CABLES1: variants seen among roughly 807,000 people sequenced by gnomAD.
CABLES1 encodes the protein CDK5 and ABL1 enzyme substrate 1.
CABLES1 carries 36 observed loss-of-function variants against 57.8 expected under a neutral mutation model. The observed-to-expected ratio is 0.62, with a 90% CI of 0.48 to 0.82. The LOEUF (loss-of-function observed/expected upper bound fraction) is 0.82. CABLES1 is among the 40% of genes least tolerant of loss of function. The pLI is 0.00. For synonymous variants in CABLES1, 374 were observed against 363.0 expected (o/e 1.03, Z -0.35); for missense variants, 767 against 836.6 (o/e 0.92, Z 1.03).
At chr18:23,242,898 A>G (rs2047771114) in intron 7 of CABLES1, among the ~76,000 whole-genome samples, 1 of 152,166 alleles carries the variant, frequency 6.6e-6, no homozygotes, top group Non-Finnish European at 1.5e-5. Context: ...TTTTCAGTAC[A>G]GCATGAGATG....
chr18:23,213,906 T>C, intron 3 of CABLES1, 71 bp from the exon 4 acceptor site: 3 of 1,008,108 alleles, frequency 3.0e-6, no homozygotes, highest in Non-Finnish European at 4.5e-6. Flanking sequence ...TTAATTGCTA[T>C]AGATTTTGTT....
chr18:23,212,340 C>G (rs1784794418), intron 3 of CABLES1, among the ~76,000 whole-genome samples: 1 of 152,176 alleles, frequency 6.6e-6, no homozygotes, highest in African/African-American at 2.4e-5. Context: ...AAGATAGTTA[C>G]TAATTTTATC....
At chr18:23,245,985 C>T (rs1035362138) in intron 7 of CABLES1, among the ~76,000 whole-genome samples, 15 of 152,114 alleles carry the variant, frequency 9.9e-5, no homozygotes, top group Admixed American at 4.6e-4. Context: ...ACAGTGGTCC[C>T]GGCCGGGCAC....
intron 1 of CABLES1, among the ~76,000 whole-genome samples, chr18:23,171,463 A>G (rs1598810233): frequency 6.6e-6 from 1 of 152,214 alleles, no homozygotes; most frequent in East Asian, 1.9e-4. Context: ...GAGCCTTGCC[A>G]TGGTCTGCAC....
At chr18:23,219,101 G>A (rs2047466769) in intron 4 of CABLES1, 1 of 443,506 alleles carries the variant, frequency 2.3e-6, no homozygotes, top group Non-Finnish European at 4.6e-6. Flanking sequence ...GAGGTTTAGG[G>A]GCTACCATTG....
At chr18:23,221,507 C>A (rs1010619386) in intron 4 of CABLES1, among the ~76,000 whole-genome samples, 2 of 152,120 alleles carry the variant, frequency 1.3e-5, no homozygotes, top group Non-Finnish European at 2.9e-5. Flanking sequence ...TTTTCAGGTA[C>A]CTTACAGGAT....
intron 7 of CABLES1, among the ~76,000 whole-genome samples, chr18:23,249,946 G>T (rs2047997804): frequency 6.6e-6 from 1 of 152,208 alleles, no homozygotes; most frequent in African/African-American, 2.4e-5. Context: ...CCTGCCTGCG[G>T]CTCACTCAGG....
intron 7 of CABLES1, among the ~76,000 whole-genome samples, chr18:23,240,403 G>A (rs1056293471): frequency 7.2e-5 from 11 of 152,168 alleles, no homozygotes; most frequent in African/African-American, 1.9e-4. Context: ...TGATGATGCC[G>A]ACAAACCCTC....
intron 1 of CABLES1, among the ~76,000 whole-genome samples, chr18:23,154,699 TGAG>T (rs2046954505): frequency 6.6e-6 from 1 of 152,186 alleles, no homozygotes; most frequent in Non-Finnish European, 1.5e-5. Context: ...TTTAGAGAAT[TGAG>T]TTTTCTCACC....
chr18:23,176,288 T>C (rs1031595640), intron 1 of CABLES1, among the ~76,000 whole-genome samples: 2 of 152,200 alleles, frequency 1.3e-5, no homozygotes, highest in African/African-American at 4.8e-5. Flanking sequence ...CATTAAATTC[T>C]TAAAAGGAGT....
At chr18:23,143,841 C>G (rs901871332) in intron 1 of CABLES1, among the ~76,000 whole-genome samples, 5 of 151,888 alleles carry the variant, frequency 3.3e-5, no homozygotes, top group Admixed American at 2.0e-4. Context: ...CCCCCCTGGG[C>G]TGTCAGAGGG....
intron 1 of CABLES1, among the ~76,000 whole-genome samples, chr18:23,176,957 G>A (rs568968313): frequency 6.2e-4 from 95 of 152,162 alleles, no homozygotes; most frequent in African/African-American, 2.2e-3. Context: ...GAGGACCCCC[G>A]CCTGAGCCCC....
At chr18:23,248,066 C>T (rs566054894) in intron 7 of CABLES1, among the ~76,000 whole-genome samples, 7 of 152,350 alleles carry the variant, frequency 4.6e-5, no homozygotes, top group South Asian at 4.1e-4. Flanking sequence ...GAGCCTCTCC[C>T]GCAAGACCCG....
chr18:23,180,648 T>G (rs559951195), intron 1 of CABLES1, among the ~76,000 whole-genome samples: 149 of 152,320 alleles, frequency 9.8e-4, no homozygotes, highest in Non-Finnish European at 1.8e-3. Flanking sequence ...TAGCTGAGAC[T>G]GCCGGTGCAT....
At chr18:23,140,267 C>G (rs1243776036) in intron 1 of CABLES1, among the ~76,000 whole-genome samples, 1 of 152,226 alleles carries the variant, frequency 6.6e-6, no homozygotes, top group African/African-American at 2.4e-5. Flanking sequence ...ACTTCAAAAA[C>G]TTCCTTGCAA....
intron 5 of CABLES1, 146 bp downstream of exon 5, chr18:23,234,850 C>T (rs932827918): frequency 7.5e-6 from 5 of 666,700 alleles, no homozygotes; most frequent in South Asian, 1.8e-5. Flanking sequence ...CCAGCCTGCC[C>T]GGCTCCCCTA....
intron 7 of CABLES1, among the ~76,000 whole-genome samples, chr18:23,249,848 A>T (rs1479266311): frequency 6.6e-6 from 1 of 152,146 alleles, no homozygotes; most frequent in East Asian, 1.9e-4. Flanking sequence ...CTTATTCAGT[A>T]CCATGAAGGA....
At chr18:23,254,616 A>G (rs138775304) in intron 9 of CABLES1, among the ~76,000 whole-genome samples, 433 of 152,296 alleles carry the variant, frequency 2.8e-3, no homozygotes, top group Non-Finnish European at 4.8e-3. Flanking sequence ...TATTTCTCAT[A>G]GTTTTGGAGG....
intron 1 of CABLES1, among the ~76,000 whole-genome samples, chr18:23,175,520 C>T (rs2047117384): frequency 6.6e-6 from 1 of 152,078 alleles, no homozygotes; most frequent in East Asian, 1.9e-4. Context: ...ACTTTGTCAC[C>T]CAGGCTGGAG....
Sources: gnomAD v4.1 joint callset for allele counts (sites outside exome capture counted in the v4.1 genomes callset) on GRCh38, gnomAD v4.1.1 for gene constraint, MANE v1.5 for transcripts, NCBI Gene and HGNC (gene_info 2026-07-23, HGNC 2026-07-21) for gene names.